Variants in SLC13A1 observed in about 807,000 individuals in gnomAD.
SLC13A1 encodes the protein solute carrier family 13 member 1, also known as Na(+)/sulfate cotransporter.
A neutral mutation model predicts 70.0 loss-of-function variants in SLC13A1; 65 were observed. The ratio of observed to expected loss-of-function variants is 0.93; its 90% CI spans 0.76 to 1.14. The LOEUF (loss-of-function observed/expected upper bound fraction) is 1.14. Ranked by LOEUF, SLC13A1 falls within the 50% of genes most tolerant of loss-of-function variation. The probability of loss-of-function intolerance (pLI) is 0.00; values close to 1 mark genes in which losing one functional copy is unlikely to be tolerated. For missense variants in SLC13A1, 726 were observed against 717.8 expected (o/e 1.01, Z -0.13); for synonymous variants, 275 against 250.5 (o/e 1.10, Z -0.92).
chr7:123,114,041 G>T lies in SLC13A1; in HGVS notation c.*1477C>A, dbSNP rs1300914126. The T allele has an allele frequency of 1.6e-5, 2 of 121,250 alleles. No individual in the cohort carries two copies. Among genetic ancestry groups the T allele is most frequent in the Non-Finnish European group, 3.2e-5 (2 of 63,244 alleles). The allele number at this position is 121,250 out of a possible 1,614,324, so 7.5% of individuals were successfully genotyped here. On this transcript the variant is annotated 3_prime_UTR_variant, in exon 15 of 15. Transcript: ENST00000194130. The stretch of plus-strand genomic sequence containing the variant: ...GGAGCTTGCAGTGAGCCGAGATCCC[G>T]CCACTGCACTCCAGCCTGGGCGACA...
At chr7:123,127,426 C>T (rs1384125712) in intron 10 of SLC13A1, among the ~76,000 whole-genome samples, 1 of 152,002 alleles carries the variant, frequency 6.6e-6, no homozygotes, top group Non-Finnish European at 1.5e-5. Context: ...TTCTTACGCA[C>T]TGGTGTTTAG....
chr7:123,188,745 T>C (rs1165081729), intron 1 of SLC13A1, among the ~76,000 whole-genome samples: 1 of 152,190 alleles, frequency 6.6e-6, no homozygotes, highest in Admixed American at 6.5e-5. Context: ...GTATTTTTAA[T>C]TGACAGGAGG....
intron 6 of SLC13A1, among the ~76,000 whole-genome samples, chr7:123,166,790 A>G (rs1218361836): frequency 6.6e-6 from 1 of 152,124 alleles, no homozygotes; most frequent in African/African-American, 2.4e-5. Context: ...CCAGTCTATC[A>G]CTGTTGGACA....
chr7:123,188,421 A>C (rs1025343476), intron 1 of SLC13A1, among the ~76,000 whole-genome samples: 4 of 152,174 alleles, frequency 2.6e-5, no homozygotes, highest in African/African-American at 9.7e-5. Flanking sequence ...AATGTTCAGA[A>C]ATTCCATTTC....
intron 11 of SLC13A1, among the ~76,000 whole-genome samples, chr7:123,124,777 T>C (rs559386970): frequency 8.5e-5 from 13 of 152,266 alleles, no homozygotes; most frequent in African/African-American, 3.1e-4. Context: ...CAATGAATGC[T>C]GTCACAGAAT....
intron 1 of SLC13A1, 151 bp from the exon 2 acceptor site, chr7:123,181,252 C>G: frequency 1.4e-6 from 1 of 726,780 alleles, no homozygotes; most frequent in Non-Finnish European, 2.1e-6. Flanking sequence ...CTCAAATACT[C>G]ATTTCTTAGA....
intron 6 of SLC13A1, among the ~76,000 whole-genome samples, chr7:123,156,342 C>T (rs1161167295): frequency 6.6e-6 from 1 of 152,094 alleles, no homozygotes; most frequent in Non-Finnish European, 1.5e-5. Flanking sequence ...CCTATTTAAC[C>T]TGCCATCTTA....
At chr7:123,136,356 G>A (rs1425124403) in intron 7 of SLC13A1, among the ~76,000 whole-genome samples, 1 of 152,122 alleles carries the variant, frequency 6.6e-6, no homozygotes, top group African/African-American at 2.4e-5. Flanking sequence ...AACCACATGG[G>A]ACTATGCCTC....
chr7:123,125,449 A>T, intron 11 of SLC13A1, 120 bp downstream of exon 11: 1 of 682,674 alleles, frequency 1.5e-6, no homozygotes, highest in Non-Finnish European at 2.5e-6. Flanking sequence ...AGGGCATGCT[A>T]GGCCAGGGAT....
chr7:123,121,816 A>G (rs1308841115), intron 12 of SLC13A1, among the ~76,000 whole-genome samples: 1 of 152,126 alleles, frequency 6.6e-6, no homozygotes, highest in Non-Finnish European at 1.5e-5. Flanking sequence ...CCAGACTACA[A>G]TTTGAAAGAA....
intron 3 of SLC13A1, among the ~76,000 whole-genome samples, chr7:123,170,118 C>T (rs1002858140): frequency 3.3e-5 from 5 of 152,092 alleles, no homozygotes; most frequent in Admixed American, 3.3e-4. Context: ...AAAAAATGAT[C>T]TCTTTTGAGT....
intron 1 of SLC13A1, among the ~76,000 whole-genome samples, chr7:123,193,460 TA>T (rs1292438667): frequency 1.6e-4 from 24 of 152,298 alleles, no homozygotes; most frequent in Middle Eastern, 3.4e-3. Flanking sequence ...TTCTTACTTA[TA>T]CTATTTGTCC....
In SLC13A1 at chr7:123,179,403, G is replaced by A. The variant is rs145869526; in HGVS notation, c.228+1570C>T. 2.0e-3 allele frequency among the ~76,000 whole-genome samples: 311 copies of A among 152,244 alleles called. 3 individuals are homozygous for A. Among genetic ancestry groups the A allele is most frequent in the African/African-American group, 7.1e-3 (294 of 41,548 alleles). Reference sequence around the variant, plus strand: ...TCCGTTAGAGATATTGGAGATATTGGATGGGATCCCTGTTCTGGGTGAGAA... The same window carrying A: ...TCCGTTAGAGATATTGGAGATATTGAATGGGATCCCTGTTCTGGGTGAGAA... On this transcript the variant is annotated intron_variant, in intron 2 of 14. Transcript: ENST00000194130.
rs201622734 is a variant in SLC13A1, at chr7:123,128,980, T to C, written c.1032-34A>G. ...AAATTCCAATGGCATCACTTCTTAT[T>C]TTCTCAGTCGGGACATTTGTAGAAA... On this transcript the variant is annotated intron_variant, in intron 9 of 14. Transcript: ENST00000194130. 10 of 1,421,028 alleles carry C rather than the reference T, an allele frequency of 7.0e-6. No individual in the cohort carries two copies. The African/African-American group carries it at 8.5e-5, about 12-fold the overall frequency. 88.0% of individuals were successfully genotyped at this position (1,421,028 alleles called of 1,614,324 possible).
Position 123,192,298 on chromosome 7 carries a change from G to T in SLC13A1, c.99+7550C>A, listed in dbSNP as rs144601696. Among the ~76,000 whole-genome samples, 13 of 152,148 alleles carry T rather than the reference G, an allele frequency of 8.5e-5. No homozygotes were observed. In the East Asian group the frequency reaches 2.5e-3, roughly 29 times the overall value. ...TGCACAGCTAGGGCACTTGCTGAAGGGGTGAAAAAGGCAAAGAAAGCTATG... is the reference window on the plus strand; with the variant it reads ...TGCACAGCTAGGGCACTTGCTGAAGTGGTGAAAAAGGCAAAGAAAGCTATG... On this transcript the variant is annotated intron_variant, in intron 1 of 14. Transcript: ENST00000194130.
intron 6 of SLC13A1, among the ~76,000 whole-genome samples, chr7:123,149,013 G>T (rs569048762): frequency 6.6e-6 from 1 of 152,116 alleles, no homozygotes; most frequent in African/African-American, 2.4e-5. Context: ...AATTTTATGA[G>T]ATTTTATGAG....
intron 6 of SLC13A1, among the ~76,000 whole-genome samples, chr7:123,162,536 T>C (rs953671851): frequency 1.3e-5 from 2 of 152,086 alleles, no homozygotes; most frequent in Non-Finnish European, 2.9e-5. Context: ...GGTTGAGCAG[T>C]ACTAATTACT....
Position 123,191,744 on chromosome 7 carries a change from G to T in SLC13A1, c.99+8104C>A, listed in dbSNP as rs953693226. 6.6e-5 allele frequency among the ~76,000 whole-genome samples: 10 copies of T among 152,266 alleles called. 1 individual carries two copies. Among genetic ancestry groups the T allele is most frequent in the Admixed American group, 3.9e-4 (6 of 15,300 alleles). On this transcript the variant is annotated intron_variant, in intron 1 of 14. Transcript: ENST00000194130. ...ACCCTCGCCAAGATTCTTTGGGGTA[G>T]ATATTGTAATTCCATGCTGAACTAA...
chr7:123,162,189 T>C (rs1794936824), intron 6 of SLC13A1, among the ~76,000 whole-genome samples: 1 of 152,166 alleles, frequency 6.6e-6, no homozygotes, highest in South Asian at 2.1e-4. Context: ...TTATGCTATT[T>C]GCTAGATAAT....
Sources: gnomAD v4.1 joint callset for allele counts (sites outside exome capture counted in the v4.1 genomes callset) on GRCh38, gnomAD v4.1.1 for gene constraint, MANE v1.5 for transcripts, NCBI Gene and HGNC (gene_info 2026-07-23, HGNC 2026-07-21) for gene names.